DNER: variants seen among roughly 807,000 people sequenced by gnomAD.
DNER encodes the protein delta/notch like EGF repeat containing.
A neutral mutation model predicts 78.2 loss-of-function variants in DNER; 33 were observed. The observed-to-expected ratio is 0.42, with a 90% CI of 0.32 to 0.56. The LOEUF is 0.56. DNER is among the 20% of genes least tolerant of loss of function. DNER has a pLI of 0.11. For synonymous variants in DNER, 417 were observed against 384.8 expected, an observed-to-expected ratio of 1.08 and a Z score of -0.98; for missense variants, 918 against 975.3, an observed-to-expected ratio of 0.94 and a Z score of 0.78.
At chr2:229,530,950 A>G (rs2080800) in intron 5 of DNER, among the ~76,000 whole-genome samples, 4,080 of 152,282 alleles carry the variant, frequency 0.027, 190 homozygotes, top group African/African-American at 0.093. Context: ...CCATACGAGC[A>G]TTCATGACAG....
At chr2:229,417,644 C>T (rs1319167196) in intron 9 of DNER, among the ~76,000 whole-genome samples, 3 of 132,702 alleles carry the variant, frequency 2.3e-5, no homozygotes, top group African/African-American at 7.5e-5. Flanking sequence ...ATTGGAAACA[C>T]TCTGTCAATG....
chr2:229,497,788 C>A (rs545163600), intron 6 of DNER, among the ~76,000 whole-genome samples: 1 of 151,954 alleles, frequency 6.6e-6, no homozygotes, highest in South Asian at 2.1e-4. Context: ...GTGAACAGAC[C>A]AAGAATGAGT....
intron 10 of DNER, among the ~76,000 whole-genome samples, chr2:229,390,721 G>A (rs542493902): frequency 5.9e-5 from 9 of 152,206 alleles, no homozygotes; most frequent in Non-Finnish European, 1.3e-4. Context: ...ATTAAATGAC[G>A]CAAATTAATG....
chr2:229,408,483 C>G (rs1693438935), intron 9 of DNER, among the ~76,000 whole-genome samples: 1 of 152,070 alleles, frequency 6.6e-6, no homozygotes, highest in Non-Finnish European at 1.5e-5. Context: ...TACATTCTAC[C>G]TTGCCTAAGA....
In DNER at chr2:229,588,497, G is replaced by A; in HGVS notation, c.586-9C>T. On this transcript the variant is annotated splice_polypyrimidine_tract_variant and intron_variant, in intron 2 of 12. Transcript: ENST00000341772. ...GCAATATCTGGGATCACCTGGGAAG[G>A]GAAAAAAAAAACGACATATGATTGG... 1 of 1,335,108 alleles carries A rather than the reference G, an allele frequency of 7.5e-7. No individual in the cohort carries two copies. The highest frequency in any genetic ancestry group is 9.9e-7 in the Non-Finnish European group (1 of 1,009,696). The allele number at this position is 1,335,108 out of a possible 1,614,324, so 82.7% of individuals were successfully genotyped here.
chr2:229,565,021 G>A (rs1697076577), intron 4 of DNER, among the ~76,000 whole-genome samples: 1 of 152,070 alleles, frequency 6.6e-6, no homozygotes. Flanking sequence ...TATTAATGAG[G>A]GCTCTGCCCC....
chr2:229,676,314 A>G (rs565597517), intron 1 of DNER, among the ~76,000 whole-genome samples: 3 of 152,334 alleles, frequency 2.0e-5, no homozygotes, highest in African/African-American at 4.8e-5. Context: ...CCTTGTCACT[A>G]AAATTACCTA....
intron 7 of DNER, among the ~76,000 whole-genome samples, chr2:229,474,738 A>T: frequency 6.6e-6 from 1 of 152,174 alleles, no homozygotes; most frequent in East Asian, 1.9e-4. Flanking sequence ...CTCCATGAAC[A>T]GCACAACCCA....
At chr2:229,650,240 G>A (rs903738795) in intron 1 of DNER, among the ~76,000 whole-genome samples, 4 of 152,044 alleles carry the variant, frequency 2.6e-5, no homozygotes, top group African/African-American at 9.7e-5. Context: ...TACTCCCAGT[G>A]GAAAAAAATG....
At chr2:229,391,821 G>T (rs953919238) in intron 10 of DNER, among the ~76,000 whole-genome samples, 2 of 152,280 alleles carry the variant, frequency 1.3e-5, no homozygotes, top group East Asian at 3.9e-4. Context: ...AGGATTACAG[G>T]CATGAGCCAC....
chr2:229,387,421 C>T (rs1313449377), intron 11 of DNER, among the ~76,000 whole-genome samples: 13 of 150,642 alleles, frequency 8.6e-5, no homozygotes. Flanking sequence ...CATGTGTATA[C>T]CTATGTAACA....
chr2:229,403,522 G>A (rs1329316255), intron 10 of DNER, among the ~76,000 whole-genome samples: 1 of 152,098 alleles, frequency 6.6e-6, no homozygotes. Flanking sequence ...TCTGTTAAAC[G>A]CATTAACAGC....
chr2:229,485,264 G>A (rs763545839), intron 6 of DNER, among the ~76,000 whole-genome samples: 17 of 152,134 alleles, frequency 1.1e-4, no homozygotes, highest in African/African-American at 3.4e-4. Flanking sequence ...GTCTGACCGT[G>A]AGCAATGATG....
At chr2:229,624,945 T>C (rs1208998969) in intron 1 of DNER, among the ~76,000 whole-genome samples, 1 of 152,236 alleles carries the variant, frequency 6.6e-6, no homozygotes. Flanking sequence ...TTTCCTCAGA[T>C]TTCAAATATG....
intron 6 of DNER, among the ~76,000 whole-genome samples, chr2:229,499,931 C>CTTTCTTTTTTTTT (rs1286404166): frequency 2.2e-5 from 3 of 134,812 alleles, no homozygotes; most frequent in Non-Finnish European, 4.9e-5. Flanking sequence ...GACTTTCTTT[C>CTTTCTTTTTTTTT]TTTTTTTTTT....
intron 8 of DNER, among the ~76,000 whole-genome samples, chr2:229,426,683 T>C (rs1385935052): frequency 6.6e-6 from 1 of 152,108 alleles, no homozygotes. Context: ...CCTCTCTTGT[T>C]GCTGGCAGGT....
chr2:229,505,310 T>A (rs1230062223), intron 6 of DNER, among the ~76,000 whole-genome samples: 1 of 151,836 alleles, frequency 6.6e-6, no homozygotes, highest in Non-Finnish European at 1.5e-5. Flanking sequence ...GAATCGGAAC[T>A]GGCAAAGAAG....
At chr2:229,713,445 C>A (rs1454065382) in intron 1 of DNER, among the ~76,000 whole-genome samples, 2 of 152,242 alleles carry the variant, frequency 1.3e-5, no homozygotes, top group Non-Finnish European at 2.9e-5. Flanking sequence ...GGCTGCCAGC[C>A]CCAAGCGTGC....
intron 7 of DNER, among the ~76,000 whole-genome samples, chr2:229,464,211 C>T (rs566428355): frequency 6.6e-6 from 1 of 152,112 alleles, no homozygotes; most frequent in African/African-American, 2.4e-5. Flanking sequence ...AGAAAGCAGA[C>T]AGTTATGCAA....
Sources: gnomAD v4.1 joint callset for allele counts (sites outside exome capture counted in the v4.1 genomes callset) on GRCh38, gnomAD v4.1.1 for gene constraint, MANE v1.5 for transcripts, NCBI Gene and HGNC (gene_info 2026-07-23, HGNC 2026-07-21) for gene names.